The following BCAS3 variants were observed in gnomAD, a reference collection of about 807,000 sequenced individuals.
BCAS3 encodes BCAS4/BCAS3 fusion.
In BCAS3, 53 loss-of-function variants were observed where a neutral mutation model predicts 116.1. The observed-to-expected ratio is 0.46, with a 90% CI of 0.37 to 0.57. The LOEUF (loss-of-function observed/expected upper bound fraction) is 0.57. Ranked by LOEUF, BCAS3 falls within the 20% of genes least tolerant of loss-of-function variation. The pLI, the probability that BCAS3 is intolerant of heterozygous loss-of-function variation, is 0.00. For missense variants in BCAS3, 917 were observed against 1,165.4 expected, an observed-to-expected ratio of 0.79 and a Z score of 3.10; for synonymous variants, 391 against 408.2, an observed-to-expected ratio of 0.96 and a Z score of 0.51.
rs143710894 is a variant in BCAS3, at chr17:61,022,336, G to A, written c.1637+6435G>A. 1.1e-4 allele frequency among the ~76,000 whole-genome samples: 16 copies of A among 152,140 alleles called. No homozygotes were observed. In the East Asian group the frequency reaches 2.5e-3, roughly 24 times the overall value. The stretch of plus-strand genomic sequence containing the variant: ...GTGATCTTGGCTCACTGCAAGCTCC[G>A]CCTCCTGGGTTCACACCATTCTCCT... On this transcript the variant is annotated intron_variant, in intron 16 of 23. Coordinates refer to ENST00000407086, the MANE Select transcript of BCAS3 (RefSeq NM_017679.5).
chr17:61,066,883 C>T lies in BCAS3; in HGVS notation c.2030-8037C>T, dbSNP rs576878556. On this transcript the variant is annotated intron_variant, in intron 19 of 23. Transcript: ENST00000407086. ...ACCTGTATTAAGTAGTGTTAAAGAA[C>T]TAGATATTTGAAGAAACTTAAGGAT... Among the ~76,000 whole-genome samples, 4 of 152,110 alleles carry T rather than the reference C, an allele frequency of 2.6e-5. 1 individual carries two copies. The East Asian group carries it at 5.8e-4, about 22-fold the overall frequency.
chr17:60,712,542 T>C (rs1455129563), intron 5 of BCAS3, among the ~76,000 whole-genome samples: 2 of 152,196 alleles, frequency 1.3e-5, no homozygotes, highest in Non-Finnish European at 2.9e-5. Context: ...GGAACTAGAA[T>C]TTAAACCTAG....
Position 60,757,396 on chromosome 17 carries a change from G to A in BCAS3, c.403+10117G>A, listed in dbSNP as rs1200929428. Among the ~76,000 whole-genome samples the A allele has an allele frequency of 6.7e-5, 8 of 119,918 alleles. No individual in the cohort carries two copies. The South Asian group carries it at 1.0e-3, about 15-fold the overall frequency. The allele number at this position is 119,918 out of a possible 152,430, so 78.7% of individuals were successfully genotyped here. On this transcript the variant is annotated intron_variant, in intron 6 of 23. Coordinates refer to ENST00000407086, the MANE Select transcript of BCAS3 (RefSeq NM_017679.5). Reference sequence around the variant, plus strand: ...TCTGCATCCTTGCCAGCATGTATATGTGTGTGTGTGTGTGTGTGTGTGTGT... The same window carrying A: ...TCTGCATCCTTGCCAGCATGTATATATGTGTGTGTGTGTGTGTGTGTGTGT...
intron 22 of BCAS3, among the ~76,000 whole-genome samples, chr17:61,271,589 CTGTGTGTGTGTG>C (rs34693526): frequency 0.11 from 12,783 of 118,360 alleles, 662 homozygotes; most frequent in South Asian, 0.19. Context: ...ACGCCCAGCT[CTGTGTGTGTGTG>C]TGTGTGTGTG....
intron 5 of BCAS3, among the ~76,000 whole-genome samples, chr17:60,723,487 A>G (rs1366515919): frequency 6.6e-6 from 1 of 152,054 alleles, no homozygotes; most frequent in African/African-American, 2.4e-5. Context: ...CGGCCTCCCA[A>G]AGTGCTAGGA....
At chr17:60,864,597 A>G (rs1206662122) in intron 7 of BCAS3, among the ~76,000 whole-genome samples, 1 of 152,224 alleles carries the variant, frequency 6.6e-6, no homozygotes, top group Non-Finnish European at 1.5e-5. Context: ...CTTTCTCCAT[A>G]TCGGCAATAA....
At chr17:61,351,295 C>G (rs2143338124) in intron 22 of BCAS3, among the ~76,000 whole-genome samples, 1 of 152,256 alleles carries the variant, frequency 6.6e-6, no homozygotes, top group Non-Finnish European at 1.5e-5. Flanking sequence ...TTAGCTGCAT[C>G]CTGAACTATT....
Position 61,244,587 on chromosome 17 carries a change from G to A in BCAS3, c.2426-123740G>A, listed in dbSNP as rs555988742. 9.9e-5 allele frequency among the ~76,000 whole-genome samples: 15 copies of A among 152,240 alleles called. No individual in the cohort carries two copies. Among genetic ancestry groups the A allele is most frequent in the Admixed American group, 2.6e-4 (4 of 15,298 alleles). On this transcript the variant is annotated intron_variant, in intron 22 of 23. Transcript: ENST00000407086. This position sits in a 1 kb window ranked among gnomAD's most constrained non-coding sequence, Gnocchi z 4.9. Reference sequence around the variant, plus strand: ...TTTTAAAAATTGGATATATAGGCCCGGCGCGGTGGCTCATGCCTGTAATCC... The same window carrying A: ...TTTTAAAAATTGGATATATAGGCCCAGCGCGGTGGCTCATGCCTGTAATCC...
intron 7 of BCAS3, among the ~76,000 whole-genome samples, chr17:60,815,524 C>T (rs2049298849): frequency 6.6e-6 from 1 of 152,096 alleles, no homozygotes; most frequent in African/African-American, 2.4e-5. Context: ...CAGATTCCTT[C>T]ACCTGCTTCC....
At position 61,354,101 on chromosome 17, in the gene BCAS3, AT is replaced by A. The variant is rs1324027391; in HGVS notation, c.2426-14225del. ...CTGGCAGCCATGATGCTTCTGCAGC[AT>A]GCCAGTTTGTTCACTGAGACCTTCA... On this transcript the variant is annotated intron_variant, in intron 22 of 23. Coordinates refer to ENST00000407086, the MANE Select transcript of BCAS3 (RefSeq NM_017679.5). The surrounding 1 kb of genome is among the most constrained non-coding windows in gnomAD (Gnocchi z 4.5). The A allele has an allele frequency of 6.6e-6, 1 of 152,242 alleles. No homozygotes were observed. The highest frequency in any genetic ancestry group is 2.4e-5 in the African/African-American group (1 of 41,448). 9.4% of individuals were successfully genotyped at this position (152,242 alleles called of 1,614,324 possible).
chr17:60,807,447 G>A (rs1259644507), intron 6 of BCAS3, among the ~76,000 whole-genome samples: 4 of 152,192 alleles, frequency 2.6e-5, no homozygotes, highest in Non-Finnish European at 4.4e-5. Context: ...CATGGGGAAG[G>A]TGTATAAGAT....
chr17:61,109,472 G>T (rs1023517189), intron 22 of BCAS3, among the ~76,000 whole-genome samples: 3 of 152,138 alleles, frequency 2.0e-5, no homozygotes, highest in African/African-American at 7.2e-5. Flanking sequence ...CTAGTAGTGG[G>T]ATTGCTGGAA....
intron 22 of BCAS3, among the ~76,000 whole-genome samples, chr17:61,120,697 A>G (rs945960131): frequency 6.6e-6 from 1 of 152,140 alleles, no homozygotes; most frequent in Non-Finnish European, 1.5e-5. Context: ...ATTTTAGTAC[A>G]TATCTCTAAA....
intron 22 of BCAS3, among the ~76,000 whole-genome samples, chr17:61,182,424 T>G (rs2079536023): frequency 6.6e-6 from 1 of 152,164 alleles, no homozygotes; most frequent in Non-Finnish European, 1.5e-5. Flanking sequence ...TCACCCATCT[T>G]CAATAATTAT....
Position 61,051,253 on chromosome 17 carries a change from A to G in BCAS3, c.2029+10361A>G, listed in dbSNP as rs1310164967. Among the ~76,000 whole-genome samples the G allele has an allele frequency of 6.6e-6, 1 of 152,032 alleles. No individual in the cohort carries two copies. Among genetic ancestry groups the G allele is most frequent in the Admixed American group, 6.6e-5 (1 of 15,254 alleles). ...ATAACATTCTCAAAATGACAAAATT[A>G]TAGAGATAGATAATAGATTAGTGGT... On this transcript the variant is annotated intron_variant, in intron 19 of 23. Transcript: ENST00000407086. This position sits in a 1 kb window ranked among gnomAD's most constrained non-coding sequence, Gnocchi z 4.1.
chr17:60,790,902 C>T (rs2046714199), intron 6 of BCAS3, among the ~76,000 whole-genome samples: 1 of 151,918 alleles, frequency 6.6e-6, no homozygotes, highest in African/African-American at 2.4e-5. Context: ...CACCACCACG[C>T]CTGGCTAATT....
intron 12 of BCAS3, among the ~76,000 whole-genome samples, chr17:60,914,865 C>T (rs1188213461): frequency 1.3e-5 from 2 of 152,074 alleles, no homozygotes; most frequent in Non-Finnish European, 1.5e-5. Context: ...ATCAGTTAGG[C>T]TTCCAGTCAA....
Position 61,282,375 on chromosome 17 carries a change from G to C in BCAS3, c.2426-85952G>C, listed in dbSNP as rs1602394994. Reference sequence around the variant, plus strand: ...GGGGCAATTGGGCCTCTGGTGAAAGGTTCTCCCCAAGTGTCCAAACTAGTA... The same window carrying C: ...GGGGCAATTGGGCCTCTGGTGAAAGCTTCTCCCCAAGTGTCCAAACTAGTA... On this transcript the variant is annotated intron_variant, in intron 22 of 23. Coordinates refer to ENST00000407086, the MANE Select transcript of BCAS3 (RefSeq NM_017679.5). The surrounding 1 kb of genome is among the most constrained non-coding windows in gnomAD (Gnocchi z 5.9). Among the ~76,000 whole-genome samples the C allele has an allele frequency of 6.6e-6, 1 of 152,196 alleles. No homozygotes were observed. The highest frequency in any genetic ancestry group is 2.4e-5 in the African/African-American group (1 of 41,452).
chr17:60,811,532 A>G (rs1223697359), intron 7 of BCAS3: 4 of 370,552 alleles, frequency 1.1e-5, no homozygotes, highest in Non-Finnish European at 2.1e-5. Flanking sequence ...AAAAAAAAAA[A>G]GAAAAAAGAA....
Sources: allele counts gnomAD v4.1 joint callset (sites outside exome capture counted in the v4.1 genomes callset), GRCh38; gene constraint gnomAD v4.1.1; non-coding constraint Gnocchi (gnomAD v3.1); transcripts MANE v1.5; gene names NCBI Gene and HGNC (gene_info 2026-07-23, HGNC 2026-07-21).